C19orf81: variants seen among roughly 807,000 people sequenced by gnomAD.
C19orf81 encodes chromosome 19 open reading frame 81.
Under a neutral mutation model 22.1 loss-of-function variants are expected in C19orf81, and 19 were observed. That is an observed-to-expected ratio of 0.86 (90% CI 0.60 to 1.26). The LOEUF (loss-of-function observed/expected upper bound fraction) is 1.26. C19orf81 is among the 50% of genes most tolerant of loss of function. The pLI is 0.00. For missense variants in C19orf81, 287 were observed against 280.7 expected, an observed-to-expected ratio of 1.02 and a Z score of -0.16; for synonymous variants, 108 against 113.1, an observed-to-expected ratio of 0.95 and a Z score of 0.29.
At chr19:50,651,061 C>G (rs959946636) in intron 1 of C19orf81, among the ~76,000 whole-genome samples, 4 of 152,210 alleles carry the variant, frequency 2.6e-5, no homozygotes, top group Non-Finnish European at 5.9e-5. Flanking sequence ...AGGTTGCAAA[C>G]TTCAGCATAG....
At chr19:50,649,833 G>C (rs759088827) in intron 1 of C19orf81, 1 of 503,224 alleles carries the variant, frequency 2.0e-6, no homozygotes. Context: ...CCTGAGCTCA[G>C]CATCTTCCCC....
At chr19:50,655,974 A>G (rs916122171) in intron 1 of C19orf81, 76 bp from the exon 2 acceptor site, 1 of 1,390,410 alleles carries the variant, frequency 7.2e-7, no homozygotes, top group Non-Finnish European at 9.8e-7. Context: ...TGGGCAAGCA[A>G]TTGGTGATGG....
At chr19:50,655,650 A>G (rs928281940) in intron 1 of C19orf81, among the ~76,000 whole-genome samples, 4 of 150,130 alleles carry the variant, frequency 2.7e-5, no homozygotes, top group East Asian at 1.9e-4. Context: ...CTCTGTCTCA[A>G]AAAAAAAAAA....
chr19:50,658,950 G>A lies in C19orf81; in HGVS notation c.405G>A (p.Trp135Ter). The change falls in exon 5 of 5, where the codon TGG becomes TGA. Residue 135 changes from tryptophan to a stop codon, truncating the protein, a stop_gained. Coordinates refer to ENST00000425202, the MANE Select transcript of C19orf81 (RefSeq NM_001195076.2). LOFTEE classifies it high-confidence loss of function. ...ICGTAGRRNR[W>*]LIAVTDFQTR... ...TCCGTCCCCACCCCCCTTACAGGTG[G>A]CTCATCGCGGTCACGGACTTCCAGA... 1 of 1,483,046 alleles carries A rather than the reference G, an allele frequency of 6.7e-7. No homozygotes were observed. The highest frequency in any genetic ancestry group is 9.0e-7 in the Non-Finnish European group (1 of 1,114,506). 91.9% of individuals were successfully genotyped at this position (1,483,046 alleles called of 1,614,324 possible).
At chr19:50,650,604 G>A (rs1490704267) in intron 1 of C19orf81, among the ~76,000 whole-genome samples, 2 of 152,224 alleles carry the variant, frequency 1.3e-5, no homozygotes, top group Non-Finnish European at 2.9e-5. Context: ...CCAGGAGGCA[G>A]AGGCTGCAGC....
chr19:50,649,722 T>G, intron 1 of C19orf81: 11 of 657,186 alleles, frequency 1.7e-5, no homozygotes, highest in East Asian at 6.1e-5. Context: ...CCTTGGCCAA[T>G]GCCCTGGACT....
chr19:50,650,569 G>A (rs1984854721), intron 1 of C19orf81, among the ~76,000 whole-genome samples: 1 of 152,138 alleles, frequency 6.6e-6, no homozygotes, highest in South Asian at 2.1e-4. Context: ...TACTAGGGAG[G>A]CTGAGGCAGG....
chr19:50,654,803 A>ATT (rs201589110), intron 1 of C19orf81, among the ~76,000 whole-genome samples: 1 of 151,730 alleles, frequency 6.6e-6, no homozygotes, highest in African/African-American at 2.4e-5. Flanking sequence ...ATAATTAAAA[A>ATT]TTTTTTTTTG....
At chr19:50,650,543 T>C (rs762154053) in intron 1 of C19orf81, among the ~76,000 whole-genome samples, 1 of 152,112 alleles carries the variant, frequency 6.6e-6, no homozygotes, top group Non-Finnish European at 1.5e-5. Flanking sequence ...TGGTGCCGGG[T>C]GCCTGTAATC....
Position 50,656,125 on chromosome 19 carries a change from G to C in C19orf81, c.140+3G>C, listed in dbSNP as rs1222435228. ...CTGGGCAGGCCCATCAAATCCTCGTGAGTTGTCCCTGGCCCCCATGACCTC... is the reference window on the plus strand; with the variant it reads ...CTGGGCAGGCCCATCAAATCCTCGTCAGTTGTCCCTGGCCCCCATGACCTC... On this transcript the variant is annotated splice_donor_region_variant and intron_variant, in intron 2 of 4. Transcript: ENST00000425202. 4 of 1,536,012 alleles carry C rather than the reference G, an allele frequency of 2.6e-6. No homozygotes were observed. Among genetic ancestry groups the C allele is most frequent in the African/African-American group, 1.4e-5 (1 of 73,044 alleles).
chr19:50,656,140 C>T lies in C19orf81; in HGVS notation c.140+18C>T. 10 of 1,536,136 alleles carry T rather than the reference C, an allele frequency of 6.5e-6. No homozygotes were observed. Among genetic ancestry groups the T allele is most frequent in the Non-Finnish European group, 8.7e-6 (10 of 1,146,904 alleles). ...AAATCCTCGTGAGTTGTCCCTGGCC[C>T]CCATGACCTCTATCTTCCGCCTCCC... is the stretch of plus-strand genomic sequence containing the variant. On this transcript the variant is annotated intron_variant, in intron 2 of 4. Coordinates refer to ENST00000425202, the MANE Select transcript of C19orf81 (RefSeq NM_001195076.2).
chr19:50,652,990 C>A lies in C19orf81; in HGVS notation c.68-3060C>A, dbSNP rs117146958. 5.5e-3 allele frequency among the ~76,000 whole-genome samples: 830 copies of A among 152,272 alleles called. 4 individuals carry two copies. The highest frequency in any genetic ancestry group is 8.6e-3 in the Non-Finnish European group (585 of 68,014). ...TTTCATCATGTGTTAAACAACACTACCTCGGAAGGTTGTTGTGAGGATGCA... is the reference window on the plus strand; with the variant it reads ...TTTCATCATGTGTTAAACAACACTAACTCGGAAGGTTGTTGTGAGGATGCA... On this transcript the variant is annotated intron_variant, in intron 1 of 4. Coordinates refer to ENST00000425202, the MANE Select transcript of C19orf81 (RefSeq NM_001195076.2).
At chr19:50,650,585 C>T (rs147923055) in intron 1 of C19orf81, among the ~76,000 whole-genome samples, 1,992 of 152,220 alleles carry the variant, frequency 0.013, 41 homozygotes, top group African/African-American at 0.045. Context: ...GCAGGAGAAT[C>T]GCTTGAACCC....
chr19:50,654,314 T>C (rs1367639504), intron 1 of C19orf81, among the ~76,000 whole-genome samples: 1 of 152,120 alleles, frequency 6.6e-6, no homozygotes, highest in Non-Finnish European at 1.5e-5. Context: ...CCTCTCTTTT[T>C]GTTTTTGAGA....
intron 1 of C19orf81, chr19:50,649,853 T>C: frequency 2.1e-6 from 1 of 481,704 alleles, no homozygotes; most frequent in African/African-American, 2.0e-5. Flanking sequence ...CCAAAGCTGC[T>C]CTCCTCCTTC....
chr19:50,658,159 C>A, intron 4 of C19orf81, 31 bp downstream of exon 4: 1 of 1,491,814 alleles, frequency 6.7e-7, no homozygotes, highest in Non-Finnish European at 8.9e-7. Context: ...GGGCCTGGAG[C>A]GAGCGGGAGG....
At chr19:50,649,884 G>T in intron 1 of C19orf81, 1 of 462,180 alleles carries the variant, frequency 2.2e-6, no homozygotes, top group East Asian at 6.7e-5. Context: ...TTTTCAAATG[G>T]CCCCACCGCC....
rs867633409 is a variant in C19orf81, at chr19:50,659,152, G to T, written c.*10G>T. 3.8e-6 allele frequency: 5 copies of T among 1,315,352 alleles called. No individual in the cohort carries two copies. The South Asian group carries it at 6.2e-5, about 16-fold the overall frequency. The allele number at this position is 1,315,352 out of a possible 1,614,324, so 81.5% of individuals were successfully genotyped here. ...GAACGAGGAGGCCTGACGCCCGGGC[G>T]GGCCCCGGCAGCGCTTGCGCACCGC... On this transcript the variant is annotated 3_prime_UTR_variant, in exon 5 of 5. Transcript: ENST00000425202.
At chr19:50,658,827 G>A in intron 4 of C19orf81, 120 bp from the exon 5 acceptor site, 1 of 882,116 alleles carries the variant, frequency 1.1e-6, no homozygotes, top group Non-Finnish European at 1.6e-6. Flanking sequence ...GGGACGGAGC[G>A]ATGGTCCGCT....
Sources: gnomAD v4.1 joint callset for allele counts (sites outside exome capture counted in the v4.1 genomes callset) on GRCh38, gnomAD v4.1.1 for gene constraint, MANE v1.5 for transcripts, NCBI Gene and HGNC (gene_info 2026-07-23, HGNC 2026-07-21) for gene names.